The following AGK variants were observed in gnomAD, a reference collection of about 807,000 sequenced individuals.
The protein encoded by AGK is acylglycerol kinase, mitochondrial.
Under a neutral mutation model 66.4 loss-of-function variants are expected in AGK, and 52 were observed. The ratio of observed to expected loss-of-function variants is 0.78; its 90% CI spans 0.63 to 0.99. The LOEUF (loss-of-function observed/expected upper bound fraction) is 0.99, where lower values mean the gene tolerates loss of function less well. Among genes scored for constraint, AGK ranks in the 50% least tolerant of loss-of-function variants. The pLI, the probability that AGK is intolerant of heterozygous loss-of-function variation, is 0.00. For missense variants in AGK, 451 were observed against 506.6 expected, an observed-to-expected ratio of 0.89 and a Z score of 1.05; for synonymous variants, 182 against 181.1, an observed-to-expected ratio of 1.00 and a Z score of -0.04.
rs17162375 is a variant in AGK, at chr7:141,651,290, A to G, written c.1047-235A>G. Among the ~76,000 whole-genome samples the G allele has an allele frequency of 0.035, 5,397 of 152,302 alleles. 152 individuals are homozygous for G. Among genetic ancestry groups the G allele is most frequent in the South Asian group, 0.14 (698 of 4,824 alleles). On this transcript the variant is annotated intron_variant, in intron 14 of 15. Coordinates refer to ENST00000649286, the MANE Select transcript of AGK (RefSeq NM_018238.4). The stretch of plus-strand genomic sequence containing the variant: ...CAATCAATTTTTAAATCAAATTAAG[A>G]GCATTTCAGAGAAAGTCATAACTTC...
At chr7:141,645,161 A>G (rs1797382463) in intron 13 of AGK, among the ~76,000 whole-genome samples, 1 of 152,106 alleles carries the variant, frequency 6.6e-6, no homozygotes, top group Non-Finnish European at 1.5e-5. Flanking sequence ...CATTTCTACA[A>G]TATTGACTCC....
At chr7:141,610,529 T>C (rs548548091) in intron 5 of AGK, among the ~76,000 whole-genome samples, 12 of 152,358 alleles carry the variant, frequency 7.9e-5, no homozygotes, top group African/African-American at 2.9e-4. Context: ...GTCTTAGGCA[T>C]TGTTTTGTGA....
chr7:141,594,645 ATTTCTTTCTTTC>A (rs535767750), intron 3 of AGK, among the ~76,000 whole-genome samples: 1 of 150,374 alleles, frequency 6.7e-6, no homozygotes, highest in Non-Finnish European at 1.5e-5. Flanking sequence ...CTTCTCATGT[ATTTCTTTCTTTC>A]TTTCTTTCTT....
In AGK at chr7:141,654,137, T is replaced by C. The variant is rs1320415074; in HGVS notation, c.*1213T>C. ...TCAACAAAAAATATAAATGGAAATT[T>C]TTTTTTTAGCTCTTGCTTTAAGTGT... On this transcript the variant is annotated 3_prime_UTR_variant, in exon 16 of 16. Coordinates refer to ENST00000649286, the MANE Select transcript of AGK (RefSeq NM_018238.4). 1 of 152,220 alleles carries C rather than the reference T, an allele frequency of 6.6e-6. No individual in the cohort carries two copies. The highest frequency in any genetic ancestry group is 1.5e-5 in the Non-Finnish European group (1 of 68,036). The allele number at this position is 152,220 out of a possible 1,614,324, so 9.4% of individuals were successfully genotyped here. A position where few individuals can be genotyped will look rare whatever the true frequency, so the allele number is the denominator to read the frequency against.
chr7:141,580,366 A>G (rs1393417795), intron 2 of AGK, among the ~76,000 whole-genome samples: 5 of 151,950 alleles, frequency 3.3e-5, no homozygotes, highest in East Asian at 1.9e-4. Flanking sequence ...ACTGCCATCA[A>G]TAAACCAAAT....
At chr7:141,597,791 T>TGA (rs1486534772) in intron 4 of AGK, among the ~76,000 whole-genome samples, 6 of 147,002 alleles carry the variant, frequency 4.1e-5, no homozygotes, top group Non-Finnish European at 7.4e-5. Flanking sequence ...CTTGGGAGGC[T>TGA]GAGGTGGGAG....
chr7:141,627,769 A>C (rs151190634), intron 9 of AGK, among the ~76,000 whole-genome samples: 2 of 152,370 alleles, frequency 1.3e-5, no homozygotes, highest in East Asian at 3.9e-4. Flanking sequence ...TGTTATTACC[A>C]AAGGAGGTGC....
chr7:141,653,203 TTC>T lies in AGK; in HGVS notation c.*281_*282del. 2.8e-6 allele frequency: 1 copy of T among 352,882 alleles called. No individual in the cohort carries two copies. Among genetic ancestry groups the T allele is most frequent in the Non-Finnish European group, 5.4e-6 (1 of 185,918 alleles). The allele number at this position is 352,882 out of a possible 1,614,324, so 21.9% of individuals were successfully genotyped here. ...TGGTTCAAGACGGAAAAGGACTTTC[TTC>T]TGTTTTCTTCCAAAGTGCAACCACA... On this transcript the variant is annotated 3_prime_UTR_variant, in exon 16 of 16. Coordinates refer to ENST00000649286, the MANE Select transcript of AGK (RefSeq NM_018238.4).
chr7:141,622,793 TGCC>T (rs1796853685), intron 9 of AGK, among the ~76,000 whole-genome samples: 2 of 152,184 alleles, frequency 1.3e-5, no homozygotes, highest in Non-Finnish European at 2.9e-5. Context: ...CGGTGGCTCT[TGCC>T]TGTAATTCCA....
Position 141,651,615 on chromosome 7 carries a change from T to TG in AGK, c.1131+10dup. 6.2e-7 allele frequency: 1 copy of TG among 1,613,782 alleles called. No individual in the cohort carries two copies. The highest frequency in any genetic ancestry group is 8.5e-7 in the Non-Finnish European group (1 of 1,179,700). On this transcript the variant is annotated splice_region_variant and intron_variant, in intron 15 of 15. Transcript: ENST00000649286. ...GCACTTTGCTTATCCCGGAGGTGAG[T>TG]GGGGAAGGGGTCGGTAGTCACAGCA...
chr7:141,638,081 C>CA (rs1797212216), intron 11 of AGK, among the ~76,000 whole-genome samples: 1 of 152,094 alleles, frequency 6.6e-6, no homozygotes, highest in Non-Finnish European at 1.5e-5. Flanking sequence ...ATTCAGCAAA[C>CA]AATAGTTGAC....
In AGK at chr7:141,586,756, A is replaced by G. The variant is rs568806950; in HGVS notation, c.102-6390A>G. ...AAGAGCAGAAGCAGCATCAAGGGGGAATGGTGGAAGATAAGGAAAATTTTT... is the reference window on the plus strand; with the variant it reads ...AAGAGCAGAAGCAGCATCAAGGGGGGATGGTGGAAGATAAGGAAAATTTTT... On this transcript the variant is annotated intron_variant, in intron 2 of 15. Coordinates refer to ENST00000649286, the MANE Select transcript of AGK (RefSeq NM_018238.4). 3.3e-5 allele frequency among the ~76,000 whole-genome samples: 5 copies of G among 152,296 alleles called. No individual in the cohort carries two copies. The East Asian group carries it at 9.7e-4, about 29-fold the overall frequency.
intron 2 of AGK, among the ~76,000 whole-genome samples, chr7:141,590,776 C>G (rs921526498): frequency 6.6e-6 from 1 of 152,098 alleles, no homozygotes; most frequent in African/African-American, 2.4e-5. Context: ...TAGAATGATT[C>G]AGTGAGAGCA....
At chr7:141,569,008 A>G (rs932705439) in intron 2 of AGK, among the ~76,000 whole-genome samples, 3 of 152,308 alleles carry the variant, frequency 2.0e-5, no homozygotes, top group African/African-American at 7.2e-5. Context: ...CTACTGTAGC[A>G]ATGGTCCTGG....
chr7:141,615,521 T>C lies in AGK; in HGVS notation c.474T>C (p.Ser158=). The change falls in exon 8 of 16, where the codon AGT becomes AGC. Residue 158 remains serine, a synonymous_variant. Transcript: ENST00000649286. Reference sequence around the variant, plus strand: ...GATTTATCCCACTGGGAGAGACCAGTAGTTTGAGTCATACCCTCTTTGCCG... The same window carrying C: ...GATTTATCCCACTGGGAGAGACCAGCAGTTTGAGTCATACCCTCTTTGCCG... The part of the protein sequence containing the change: ...PIGFIPLGET[S]SLSHTLFAES... 6.2e-7 allele frequency: 1 copy of C among 1,613,996 alleles called. No individual in the cohort carries two copies. Among genetic ancestry groups the C allele is most frequent in the South Asian group, 1.1e-5 (1 of 91,066 alleles).
intron 2 of AGK, among the ~76,000 whole-genome samples, chr7:141,591,220 G>A (rs886260957): frequency 6.6e-6 from 1 of 150,916 alleles, no homozygotes; most frequent in Admixed American, 6.6e-5. Flanking sequence ...AGCCTCCCGA[G>A]TAGTTGGGAT....
intron 2 of AGK, among the ~76,000 whole-genome samples, chr7:141,577,208 A>C (rs999975416): frequency 6.6e-6 from 1 of 152,268 alleles, no homozygotes. Flanking sequence ...CTGTCTTTCC[A>C]GGGTTAACTT....
At chr7:141,627,696 C>G in intron 9 of AGK, among the ~76,000 whole-genome samples, 1 of 152,150 alleles carries the variant, frequency 6.6e-6, no homozygotes, top group East Asian at 1.9e-4. Context: ...GATGGCTATG[C>G]TGAAATTTCA....
At chr7:141,620,954 T>G (rs1284516037) in intron 8 of AGK, among the ~76,000 whole-genome samples, 1 of 152,188 alleles carries the variant, frequency 6.6e-6, no homozygotes, top group Non-Finnish European at 1.5e-5. Context: ...GCTCCAGCCT[T>G]GCATGTGGGA....
Sources: gnomAD v4.1 joint callset for allele counts (sites outside exome capture counted in the v4.1 genomes callset) on GRCh38, gnomAD v4.1.1 for gene constraint, MANE v1.5 for transcripts, NCBI Gene and HGNC (gene_info 2026-07-23, HGNC 2026-07-21) for gene names.